Variants in ADAM23 observed in about 807,000 individuals in gnomAD.
The protein encoded by ADAM23 is ADAM metallopeptidase domain 23.
In ADAM23, 33 loss-of-function variants were observed where a neutral mutation model predicts 120.1. The ratio of observed to expected loss-of-function variants is 0.27; its 90% CI spans 0.21 to 0.37. The LOEUF is 0.37. Ranked by LOEUF, ADAM23 falls within the 10% of genes least tolerant of loss-of-function variation. The pLI is 1.00. For missense variants in ADAM23, 862 were observed against 1,058.2 expected (o/e 0.81, Z 2.57); for synonymous variants, 367 against 375.2 (o/e 0.98, Z 0.25).
chr2:206,522,201 T>A (rs1202386746), intron 3 of ADAM23, among the ~76,000 whole-genome samples: 4 of 152,120 alleles, frequency 2.6e-5, no homozygotes, highest in Non-Finnish European at 4.4e-5. Context: ...CAACTATATT[T>A]GTACACATAT....
intron 13 of ADAM23, among the ~76,000 whole-genome samples, chr2:206,564,116 G>A (rs548408266): frequency 6.6e-6 from 1 of 152,096 alleles, no homozygotes; most frequent in Admixed American, 6.5e-5. Flanking sequence ...CCATTTGGAA[G>A]TCTATCTTTG....
chr2:206,447,541 G>T (rs1040408766), intron 2 of ADAM23, among the ~76,000 whole-genome samples: 3 of 152,142 alleles, frequency 2.0e-5, no homozygotes, highest in African/African-American at 7.2e-5. Flanking sequence ...TTTGTGTTCT[G>T]TGACCTCCCT....
In ADAM23 at chr2:206,604,143, G is replaced by A. The variant is rs1698689964; in HGVS notation, c.2360-5767G>A. Among the ~76,000 whole-genome samples, 4 of 152,170 alleles carry A rather than the reference G, an allele frequency of 2.6e-5. No homozygotes were observed. In the South Asian group the frequency reaches 8.3e-4, roughly 32 times the overall value. ...TAGCCGGGTGTGGTGGTGCGCACCT[G>A]TAGTCCCAGCTACTTGGGAGGGTGA... On this transcript the variant is annotated intron_variant, in intron 24 of 25. Coordinates refer to ENST00000264377, the MANE Select transcript of ADAM23 (RefSeq NM_003812.4).
chr2:206,592,575 TTCC>T (rs1207529507), intron 21 of ADAM23, 39 bp from the exon 22 acceptor site: 1 of 1,582,640 alleles, frequency 6.3e-7, no homozygotes, highest in Non-Finnish European at 8.6e-7. Flanking sequence ...TTGAGCTTGA[TTCC>T]TCCTGTCTGG....
chr2:206,620,183 T>C lies in ADAM23; in HGVS notation c.*2556T>C, dbSNP rs550741619. 6.6e-6 allele frequency: 1 copy of C among 152,312 alleles called. No individual in the cohort carries two copies. Among genetic ancestry groups the C allele is most frequent in the Non-Finnish European group, 1.5e-5 (1 of 68,026 alleles). The allele number at this position is 152,312 out of a possible 1,614,324, so 9.4% of individuals were successfully genotyped here. A position where few individuals can be genotyped will look rare whatever the true frequency, so the allele number is the denominator to read the frequency against. On this transcript the variant is annotated 3_prime_UTR_variant, in exon 26 of 26. Transcript: ENST00000264377. ...CAAATTAAATCTCTATTGTTAACTT[T>C]TAAGCATTTCACAAACAACATTGTA...
At chr2:206,592,942 A>G (rs1035076226) in intron 22 of ADAM23, among the ~76,000 whole-genome samples, 1 of 152,216 alleles carries the variant, frequency 6.6e-6, no homozygotes, top group African/African-American at 2.4e-5. Context: ...TTTGCTCAAA[A>G]TTATACTAGT....
chr2:206,609,736 A>G (rs1422215886), intron 24 of ADAM23, 174 bp from the exon 25 acceptor site: 4 of 554,244 alleles, frequency 7.2e-6, no homozygotes, highest in African/African-American at 2.0e-5. Context: ...AAATCCAAGC[A>G]ACGCTCACCG....
At position 206,514,210 on chromosome 2, in the gene ADAM23, A is replaced by T. The variant is rs191753101; in HGVS notation, c.510-16675A>T. On this transcript the variant is annotated intron_variant, in intron 3 of 25. Transcript: ENST00000264377. ...GTGATAGTTGCCATAGATCGTGATT[A>T]CTCTATTGGGTCTGGGCAAAGTAAA... Among the ~76,000 whole-genome samples the T allele has an allele frequency of 2.4e-3, 369 of 152,276 alleles. 3 individuals are homozygous for T. The highest frequency in any genetic ancestry group is 4.6e-3 in the South Asian group (22 of 4,830).
intron 3 of ADAM23, among the ~76,000 whole-genome samples, chr2:206,481,948 A>C (rs998965767): frequency 6.6e-6 from 1 of 152,246 alleles, no homozygotes; most frequent in African/African-American, 2.4e-5. Context: ...AAATAGATCT[A>C]GCAGTGAGCC....
intron 2 of ADAM23, 68 bp downstream of exon 2, chr2:206,445,592 C>G (rs541166692): frequency 1.4e-6 from 2 of 1,394,146 alleles, no homozygotes; most frequent in South Asian, 1.4e-5. Context: ...GATTTTCTGC[C>G]AGAATCTGAG....
intron 2 of ADAM23, 119 bp from the exon 3 acceptor site, chr2:206,481,113 A>T: frequency 1.6e-6 from 1 of 632,086 alleles, no homozygotes; most frequent in Non-Finnish European, 2.6e-6. Context: ...CTATATGATG[A>T]TACATAAGGA....
intron 3 of ADAM23, among the ~76,000 whole-genome samples, chr2:206,482,711 A>G (rs1402530075): frequency 6.6e-6 from 1 of 152,198 alleles, no homozygotes; most frequent in Non-Finnish European, 1.5e-5. Context: ...ACTTGGGGGA[A>G]GGTTGATAGA....
At chr2:206,596,014 C>T (rs1410338607) in intron 23 of ADAM23, 37 bp from the exon 24 acceptor site, 2 of 1,486,042 alleles carry the variant, frequency 1.3e-6, no homozygotes, top group African/African-American at 2.8e-5. Context: ...CTACAAAATA[C>T]AGTGAAAATG....
At chr2:206,595,330 A>G (rs1055034716) in intron 23 of ADAM23, among the ~76,000 whole-genome samples, 5 of 152,152 alleles carry the variant, frequency 3.3e-5, no homozygotes, top group Non-Finnish European at 7.3e-5. Context: ...TCCTGTCTCT[A>G]GTTTGCTCAT....
intron 9 of ADAM23, among the ~76,000 whole-genome samples, chr2:206,551,098 C>T (rs1449118184): frequency 1.3e-5 from 2 of 152,174 alleles, no homozygotes; most frequent in African/African-American, 4.8e-5. Context: ...AAATTACTTG[C>T]CTGAAGCCCA....
chr2:206,457,454 G>A (rs1017216752), intron 2 of ADAM23, among the ~76,000 whole-genome samples: 1 of 152,166 alleles, frequency 6.6e-6, no homozygotes, highest in Non-Finnish European at 1.5e-5. Flanking sequence ...GGAAGTTTCT[G>A]TCCTTTGTAG....
intron 15 of ADAM23, 25 bp downstream of exon 15, chr2:206,567,347 A>G: frequency 6.4e-7 from 1 of 1,570,982 alleles, no homozygotes; most frequent in South Asian, 1.1e-5. Context: ...AAGCATACTA[A>G]GAAAGTATAT....
chr2:206,559,488 T>C (rs1407606361), intron 10 of ADAM23, among the ~76,000 whole-genome samples: 1 of 152,178 alleles, frequency 6.6e-6, no homozygotes, highest in African/African-American at 2.4e-5. Flanking sequence ...TCATATAATA[T>C]GACCTCCAAG....
intron 2 of ADAM23, among the ~76,000 whole-genome samples, chr2:206,462,585 T>C (rs1038846320): frequency 2.0e-5 from 3 of 152,192 alleles, no homozygotes; most frequent in African/African-American, 7.2e-5. Flanking sequence ...GGGTTAGAAT[T>C]CTGTGTTCAG....
Sources: gnomAD v4.1 joint callset for allele counts (sites outside exome capture counted in the v4.1 genomes callset) on GRCh38, gnomAD v4.1.1 for gene constraint, MANE v1.5 for transcripts, NCBI Gene and HGNC (gene_info 2026-07-23, HGNC 2026-07-21) for gene names.